SGCZ: variants seen among roughly 807,000 people sequenced by gnomAD.
SGCZ encodes sarcoglycan zeta.
A neutral mutation model predicts 41.3 loss-of-function variants in SGCZ; 40 were observed. The observed-to-expected ratio is 0.97, with a 90% CI of 0.75 to 1.26. The LOEUF is 1.26. SGCZ is among the 50% of genes most tolerant of loss of function. The pLI is 0.00. For synonymous variants in SGCZ, 206 were observed against 137.5 expected (o/e 1.50, Z -3.49); for missense variants, 552 against 369.8 (o/e 1.49, Z -4.04).
intron 5 of SGCZ, among the ~76,000 whole-genome samples, chr8:14,155,713 T>A (rs902280414): frequency 6.7e-6 from 1 of 150,324 alleles, no homozygotes; most frequent in African/African-American, 2.4e-5. Flanking sequence ...ATATATATTA[T>A]ATATTTATAT....
intron 1 of SGCZ, among the ~76,000 whole-genome samples, chr8:14,778,702 T>C (rs1053649781): frequency 1.3e-4 from 20 of 152,200 alleles, no homozygotes; most frequent in African/African-American, 4.8e-4. Flanking sequence ...GAAACCCATA[T>C]GGGCAGTAAA....
intron 1 of SGCZ, among the ~76,000 whole-genome samples, chr8:14,919,621 A>G (rs1299239984): frequency 2.0e-5 from 3 of 152,114 alleles, no homozygotes; most frequent in East Asian, 1.9e-4. Flanking sequence ...CAGTAGTACT[A>G]TCTATTAAAA....
chr8:14,768,359 T>C (rs1563256486), intron 1 of SGCZ, among the ~76,000 whole-genome samples: 2 of 152,212 alleles, frequency 1.3e-5, no homozygotes, highest in Admixed American at 1.3e-4. Context: ...TGAGTTTCCA[T>C]GTTGCGTCCT....
chr8:14,376,370 G>A (rs781277731), intron 2 of SGCZ, among the ~76,000 whole-genome samples: 1 of 152,024 alleles, frequency 6.6e-6, no homozygotes, highest in Non-Finnish European at 1.5e-5. Flanking sequence ...AATAACTATT[G>A]TAACAACACA....
At position 14,361,948 on chromosome 8, in the gene SGCZ, C is replaced by A. The variant is rs181956128; in HGVS notation, c.235-37744G>T. On this transcript the variant is annotated intron_variant, in intron 2 of 7. Transcript: ENST00000382080. Reference sequence around the variant, plus strand: ...TTCTAACAGACAGGCCCCTCAGCTGCAGGTCTGCTGGAGTTTTCTAGAGGT... The same window carrying A: ...TTCTAACAGACAGGCCCCTCAGCTGAAGGTCTGCTGGAGTTTTCTAGAGGT... Among the ~76,000 whole-genome samples, 3 of 152,292 alleles carry A rather than the reference C, an allele frequency of 2.0e-5. No homozygotes were observed. The East Asian group carries it at 5.8e-4, about 30-fold the overall frequency.
chr8:15,116,243 C>T (rs1250455550), intron 1 of SGCZ, among the ~76,000 whole-genome samples: 2 of 152,002 alleles, frequency 1.3e-5, no homozygotes, highest in Non-Finnish European at 2.9e-5. Flanking sequence ...CAATCAGAAC[C>T]AGAATATATA....
chr8:14,104,356 T>C (rs1802135775), intron 6 of SGCZ, among the ~76,000 whole-genome samples: 1 of 151,886 alleles, frequency 6.6e-6, no homozygotes, highest in Admixed American at 6.6e-5. Flanking sequence ...CAAAGCATTC[T>C]GTTTTTTTAT....
At chr8:14,351,600 T>A (rs2117105460) in intron 2 of SGCZ, among the ~76,000 whole-genome samples, 1 of 151,502 alleles carries the variant, frequency 6.6e-6, no homozygotes, top group Admixed American at 6.6e-5. Flanking sequence ...TAGGAAATTG[T>A]GACAAAATTC....
At chr8:15,205,538 T>C (rs922527892) in intron 1 of SGCZ, among the ~76,000 whole-genome samples, 1 of 151,614 alleles carries the variant, frequency 6.6e-6, no homozygotes, top group Admixed American at 6.6e-5. Flanking sequence ...GAAATGCAAA[T>C]AAAAACCACA....
chr8:14,975,359 T>C (rs1388769765), intron 1 of SGCZ, among the ~76,000 whole-genome samples: 1 of 152,140 alleles, frequency 6.6e-6, no homozygotes, highest in Non-Finnish European at 1.5e-5. Flanking sequence ...AGGGGAATTG[T>C]GTAGCAGCGT....
At chr8:14,336,583 G>A (rs1322477294) in intron 2 of SGCZ, among the ~76,000 whole-genome samples, 2 of 152,014 alleles carry the variant, frequency 1.3e-5, no homozygotes, top group African/African-American at 2.4e-5. Context: ...TCTTTTCTTT[G>A]CAACTTCGCC....
intron 1 of SGCZ, among the ~76,000 whole-genome samples, chr8:14,850,570 C>G (rs767554196): frequency 4.6e-5 from 7 of 152,116 alleles, no homozygotes; most frequent in Non-Finnish European, 8.8e-5. Context: ...AGACATGGAG[C>G]TACTTCATAG....
At chr8:15,178,443 G>C (rs1077592) in intron 1 of SGCZ, among the ~76,000 whole-genome samples, 55,855 of 151,982 alleles carry the variant, frequency 0.37, 12,330 homozygotes, top group Non-Finnish European at 0.47. Flanking sequence ...TATATTAAGA[G>C]GACATATTTT....
chr8:14,858,329 A>G (rs1433183101), intron 1 of SGCZ, among the ~76,000 whole-genome samples: 1 of 150,744 alleles, frequency 6.6e-6, no homozygotes, highest in African/African-American at 2.5e-5. Context: ...TTCTTAAAAC[A>G]AAACATTCCA....
intron 3 of SGCZ, among the ~76,000 whole-genome samples, chr8:14,253,270 GTGTA>G (rs1313679154): frequency 7.3e-5 from 11 of 151,612 alleles, no homozygotes; most frequent in Non-Finnish European, 4.4e-5. Context: ...GTGTGTGTGT[GTGTA>G]TCAGTCAGGA....
intron 1 of SGCZ, among the ~76,000 whole-genome samples, chr8:14,907,351 C>G (rs555980664): frequency 6.6e-6 from 1 of 152,122 alleles, no homozygotes; most frequent in African/African-American, 2.4e-5. Flanking sequence ...CACCACTATG[C>G]CTGGATAATT....
intron 1 of SGCZ, among the ~76,000 whole-genome samples, chr8:15,113,713 G>T (rs1807157787): frequency 6.6e-6 from 1 of 152,132 alleles, no homozygotes; most frequent in South Asian, 2.1e-4. Context: ...ATGAAATTAT[G>T]CAAAGGCTCC....
At chr8:14,336,340 T>C (rs1802505097) in intron 2 of SGCZ, among the ~76,000 whole-genome samples, 1 of 152,178 alleles carries the variant, frequency 6.6e-6, no homozygotes, top group Non-Finnish European at 1.5e-5. Context: ...CAGCCTGCTA[T>C]TGATGGGCAT....
chr8:14,567,148 G>A (rs552702383), intron 1 of SGCZ, among the ~76,000 whole-genome samples: 87 of 152,286 alleles, frequency 5.7e-4, no homozygotes, highest in East Asian at 1.9e-3. Flanking sequence ...TGGTGGCGTC[G>A]GAGCCCCCCC....
Sources: allele counts gnomAD v4.1 joint callset (sites outside exome capture counted in the v4.1 genomes callset), GRCh38; gene constraint gnomAD v4.1.1; transcripts MANE v1.5; gene names NCBI Gene and HGNC (gene_info 2026-07-23, HGNC 2026-07-21).